The following CDK14 variants were observed in gnomAD, a reference collection of about 807,000 sequenced individuals.
The protein encoded by CDK14 is cyclin-dependent kinase 14.
Under a neutral mutation model 60.7 loss-of-function variants are expected in CDK14, and 34 were observed. The observed-to-expected ratio is 0.56, with a 90% CI of 0.43 to 0.75. CDK14 has a LOEUF of 0.75. Ranked by LOEUF, CDK14 falls within the 30% of genes least tolerant of loss-of-function variation. CDK14 has a pLI of 0.00. For synonymous variants in CDK14, 197 were observed against 203.7 expected (o/e 0.97, Z 0.28); for missense variants, 482 against 564.1 (o/e 0.85, Z 1.47).
intron 11 of CDK14, among the ~76,000 whole-genome samples, chr7:91,051,882 TGACA>T (rs1409610296): frequency 3.3e-5 from 5 of 152,202 alleles, no homozygotes; most frequent in Non-Finnish European, 7.3e-5. Flanking sequence ...TCTGCTAAAG[TGACA>T]GTGCAATTTT....
intron 4 of CDK14, among the ~76,000 whole-genome samples, chr7:90,787,378 G>C (rs1805639875): frequency 6.6e-6 from 1 of 152,060 alleles, no homozygotes; most frequent in African/African-American, 2.4e-5. Context: ...TCTATATGTA[G>C]ATGCAGTAAA....
At chr7:91,022,024 C>G (rs989108347) in intron 10 of CDK14, among the ~76,000 whole-genome samples, 1 of 152,174 alleles carries the variant, frequency 6.6e-6, no homozygotes, top group Non-Finnish European at 1.5e-5. Flanking sequence ...GCCTGACAGT[C>G]ATCTCTCCAA....
chr7:91,113,555 A>C lies in CDK14; in HGVS notation c.1294+874A>C, dbSNP rs187464133. The stretch of plus-strand genomic sequence containing the variant: ...CAATGGTGATATGTTCTTTCCAAAG[A>C]ACAATTAGAGATATTTCTTCTATAC... On this transcript the variant is annotated intron_variant, in intron 13 of 14. Coordinates refer to ENST00000380050, the MANE Select transcript of CDK14 (RefSeq NM_001287135.2). Among the ~76,000 whole-genome samples the C allele has an allele frequency of 3.3e-5, 5 of 152,294 alleles. No individual in the cohort carries two copies. In the East Asian group the frequency reaches 7.7e-4, roughly 24 times the overall value.
chr7:90,945,498 A>C (rs1187283088), intron 8 of CDK14, among the ~76,000 whole-genome samples: 1 of 152,222 alleles, frequency 6.6e-6, no homozygotes, highest in Non-Finnish European at 1.5e-5. Context: ...GGGAGAATTT[A>C]GAGAAATTGG....
At chr7:90,661,183 T>G (rs972291421) in intron 2 of CDK14, among the ~76,000 whole-genome samples, 2 of 152,200 alleles carry the variant, frequency 1.3e-5, no homozygotes. Context: ...TTCTTGAGAG[T>G]CTGAAATTTG....
chr7:90,760,464 A>G lies in CDK14; in HGVS notation c.464+12689A>G, dbSNP rs570354839. 2.6e-5 allele frequency among the ~76,000 whole-genome samples: 4 copies of G among 152,316 alleles called. No homozygotes were observed. The South Asian group carries it at 8.3e-4, about 32-fold the overall frequency. The stretch of plus-strand genomic sequence containing the variant: ...ACACCTAGACTGTCATGTGGACTTC[A>G]GAGTCCTGAGAGGTTACCTGCCCAC... On this transcript the variant is annotated intron_variant, in intron 4 of 14. Transcript: ENST00000380050.
At chr7:90,742,932 A>G (rs1803411088) in intron 3 of CDK14, among the ~76,000 whole-genome samples, 1 of 152,034 alleles carries the variant, frequency 6.6e-6, no homozygotes, top group African/African-American at 2.4e-5. Flanking sequence ...GGATTCTGGA[A>G]TATACATGAG....
chr7:91,169,554 A>T (rs1235815244), intron 14 of CDK14, among the ~76,000 whole-genome samples: 1 of 152,224 alleles, frequency 6.6e-6, no homozygotes, highest in African/African-American at 2.4e-5. Context: ...CTCTCCCTTT[A>T]AAAATAAAAC....
At chr7:90,923,042 A>G (rs140324780) in intron 8 of CDK14, among the ~76,000 whole-genome samples, 58 of 151,816 alleles carry the variant, frequency 3.8e-4, no homozygotes, top group African/African-American at 1.4e-3. Flanking sequence ...TTAGGGTGAC[A>G]TTTGTCAATC....
intron 2 of CDK14, among the ~76,000 whole-genome samples, chr7:90,654,041 C>T (rs947239480): frequency 6.6e-6 from 1 of 152,138 alleles, no homozygotes; most frequent in Non-Finnish European, 1.5e-5. Context: ...TGTGTATGTG[C>T]CACATTTTCT....
chr7:90,872,128 T>C (rs556230145), intron 6 of CDK14, among the ~76,000 whole-genome samples: 1 of 152,326 alleles, frequency 6.6e-6, no homozygotes, highest in Admixed American at 6.5e-5. Context: ...TGTGAAGAAC[T>C]GTGATCTTAG....
rs71695551 is a variant in CDK14, at chr7:91,131,092, A to ATT, written c.*28+12893_*28+12894dup. ...TTAGGGCTGTGTTCTTTAGTTTTTT[A>ATT]TTTTTTTTTTGTTTTTGTTTTTTGA... On this transcript the variant is annotated intron_variant, in intron 14 of 14. Transcript: ENST00000380050. Among the ~76,000 whole-genome samples, 67 of 147,750 alleles carry ATT rather than the reference A, an allele frequency of 4.5e-4. 1 individual carries two copies. Among genetic ancestry groups the ATT allele is most frequent in the East Asian group, 1.4e-3 (7 of 5,038 alleles).
chr7:90,618,231 A>G, intron 2 of CDK14, among the ~76,000 whole-genome samples: 1 of 152,168 alleles, frequency 6.6e-6, no homozygotes, highest in East Asian at 1.9e-4. Flanking sequence ...AAAGATGAAG[A>G]CTTTAGGTGG....
intron 14 of CDK14, among the ~76,000 whole-genome samples, chr7:91,133,493 A>T (rs1317010549): frequency 6.6e-6 from 1 of 152,174 alleles, no homozygotes; most frequent in Non-Finnish European, 1.5e-5. Flanking sequence ...TAAATAAGTA[A>T]ATTAAAGTTT....
intron 2 of CDK14, among the ~76,000 whole-genome samples, chr7:90,658,591 A>C (rs892938615): frequency 6.6e-6 from 1 of 152,196 alleles, no homozygotes; most frequent in African/African-American, 2.4e-5. Context: ...TCTTTCATTT[A>C]ACATGTTTTC....
At chr7:90,966,449 T>A (rs937905228) in intron 9 of CDK14, among the ~76,000 whole-genome samples, 14 of 152,236 alleles carry the variant, frequency 9.2e-5, no homozygotes, top group African/African-American at 3.4e-4. Context: ...GATGTCAGTA[T>A]CTGAAGGCTT....
At chr7:90,959,052 C>CGT (rs956613816) in intron 9 of CDK14, among the ~76,000 whole-genome samples, 15 of 151,994 alleles carry the variant, frequency 9.9e-5, no homozygotes, top group African/African-American at 2.9e-4. Context: ...TTTTCTTCCT[C>CGT]GTGTGTGTGT....
At chr7:91,110,191 G>A (rs1007203813) in intron 12 of CDK14, among the ~76,000 whole-genome samples, 2 of 152,082 alleles carry the variant, frequency 1.3e-5, no homozygotes, top group Admixed American at 6.6e-5. Flanking sequence ...GAAAATGCAT[G>A]TAGAGACTTA....
chr7:90,670,104 C>G (rs1201884470), intron 2 of CDK14, among the ~76,000 whole-genome samples: 3 of 152,202 alleles, frequency 2.0e-5, no homozygotes, highest in African/African-American at 7.2e-5. Context: ...ATTGGTATGA[C>G]TATACCATGG....
Sources: gnomAD v4.1 joint callset for allele counts (sites outside exome capture counted in the v4.1 genomes callset) on GRCh38, gnomAD v4.1.1 for gene constraint, MANE v1.5 for transcripts, NCBI Gene and HGNC (gene_info 2026-07-23, HGNC 2026-07-21) for gene names.